The following NAALADL2 variants were observed in gnomAD, a reference collection of about 807,000 sequenced individuals.
NAALADL2 encodes the protein N-acetylated alpha-linked acidic dipeptidase like 2.
A neutral mutation model predicts 87.2 loss-of-function variants in NAALADL2; 76 were observed. The ratio of observed to expected loss-of-function variants is 0.87; its 90% CI spans 0.72 to 1.05. The LOEUF (loss-of-function observed/expected upper bound fraction) is 1.05. Among genes scored for constraint, NAALADL2 ranks in the 50% least tolerant of loss-of-function variants. The pLI is 0.00. For synonymous variants in NAALADL2, 354 were observed against 331.0 expected (o/e 1.07, Z -0.75); for missense variants, 1,089 against 945.8 (o/e 1.15, Z -1.99).
chr3:175,090,301 T>G (rs1437512514), intron 1 of NAALADL2, among the ~76,000 whole-genome samples: 1 of 152,020 alleles, frequency 6.6e-6, no homozygotes, highest in African/African-American at 2.4e-5. Flanking sequence ...AGGACACCCA[T>G]AAAATTTATT....
At chr3:174,630,144 T>C (rs1721967098) in intron 2 of NAALADL2, among the ~76,000 whole-genome samples, 1 of 152,170 alleles carries the variant, frequency 6.6e-6, no homozygotes, top group Non-Finnish European at 1.5e-5. Context: ...ACAAATATAA[T>C]AATTTTTCAT....
intron 4 of NAALADL2, among the ~76,000 whole-genome samples, chr3:175,295,211 C>A (rs1444539730): frequency 6.6e-6 from 1 of 152,088 alleles, no homozygotes. Context: ...CCTGTATGTT[C>A]AAAGAGAGTT....
At chr3:175,634,709 A>C (rs922896443) in intron 11 of NAALADL2, among the ~76,000 whole-genome samples, 1 of 152,134 alleles carries the variant, frequency 6.6e-6, no homozygotes, top group Non-Finnish European at 1.5e-5. Flanking sequence ...AATTGTTTGA[A>C]TAAAATATGA....
chr3:175,476,479 T>C (rs1403062350), intron 9 of NAALADL2, among the ~76,000 whole-genome samples: 1 of 152,180 alleles, frequency 6.6e-6, no homozygotes, highest in Non-Finnish European at 1.5e-5. Flanking sequence ...GAAACATGCA[T>C]TATATGACAG....
chr3:175,219,567 G>A lies in NAALADL2; in HGVS notation c.546-14364G>A, dbSNP rs2109337395. 2.0e-5 allele frequency among the ~76,000 whole-genome samples: 3 copies of A among 152,156 alleles called. No individual in the cohort carries two copies. The South Asian group carries it at 6.2e-4, about 32-fold the overall frequency. On this transcript the variant is annotated intron_variant, in intron 2 of 13. Coordinates refer to ENST00000454872, the MANE Select transcript of NAALADL2 (RefSeq NM_207015.3). Reference sequence around the variant, plus strand: ...TTTGTCAGTTTTGTCTTCCTCGTTAGCGGTTTCTCTTTTGTCTAACCAAGA... The same window carrying A: ...TTTGTCAGTTTTGTCTTCCTCGTTAACGGTTTCTCTTTTGTCTAACCAAGA...
At chr3:174,585,587 C>T (rs1716613402) in intron 2 of NAALADL2, among the ~76,000 whole-genome samples, 1 of 152,024 alleles carries the variant, frequency 6.6e-6, no homozygotes. Flanking sequence ...TGGATCTGTG[C>T]TAGTAGTTCT....
At chr3:175,074,042 C>A (rs893525416) in intron 1 of NAALADL2, among the ~76,000 whole-genome samples, 6 of 152,068 alleles carry the variant, frequency 3.9e-5, no homozygotes, top group Middle Eastern at 3.4e-3. Context: ...GAAGTGAGTT[C>A]CATAAGGGTG....
intron 1 of NAALADL2, among the ~76,000 whole-genome samples, chr3:175,037,131 T>C (rs1753515208): frequency 6.6e-6 from 1 of 152,072 alleles, no homozygotes; most frequent in Non-Finnish European, 1.5e-5. Context: ...AAAGCTACTT[T>C]TAGATCCAGA....
chr3:175,314,614 TAAAA>T (rs1758813037), intron 4 of NAALADL2, among the ~76,000 whole-genome samples: 1 of 114,388 alleles, frequency 8.7e-6, no homozygotes, highest in Admixed American at 1.0e-4. Flanking sequence ...ATACATACTG[TAAAA>T]TAGTTTTGAA....
chr3:175,019,981 A>G (rs1456365033), intron 1 of NAALADL2, among the ~76,000 whole-genome samples: 3 of 152,050 alleles, frequency 2.0e-5, no homozygotes, highest in Non-Finnish European at 2.9e-5. Flanking sequence ...AACAGGAACC[A>G]GATCTCTCCC....
chr3:175,068,565 G>C (rs73883329), intron 1 of NAALADL2, among the ~76,000 whole-genome samples: 1 of 152,044 alleles, frequency 6.6e-6, no homozygotes, highest in Admixed American at 6.6e-5. Context: ...TTGGGAGGAC[G>C]TCTCTTGGGG....
chr3:175,170,404 G>A (rs1018921821), intron 2 of NAALADL2, among the ~76,000 whole-genome samples: 32 of 147,224 alleles, frequency 2.2e-4, no homozygotes, highest in African/African-American at 6.9e-4. Flanking sequence ...TGGAGCAATA[G>A]GGTATGCCAT....
intron 1 of NAALADL2, among the ~76,000 whole-genome samples, chr3:174,967,825 G>A (rs1743094991): frequency 6.6e-6 from 1 of 152,166 alleles, no homozygotes; most frequent in African/African-American, 2.4e-5. Context: ...TAAACCCACA[G>A]AATTGTGAAC....
intron 2 of NAALADL2, among the ~76,000 whole-genome samples, chr3:175,195,052 C>T (rs1026458834): frequency 1.3e-5 from 2 of 151,528 alleles, no homozygotes; most frequent in African/African-American, 2.4e-5. Context: ...TCTCCCTCCT[C>T]TAAGACTATA....
At chr3:174,643,033 C>A (rs1333810903) in intron 2 of NAALADL2, among the ~76,000 whole-genome samples, 1 of 151,978 alleles carries the variant, frequency 6.6e-6, no homozygotes, top group African/African-American at 2.4e-5. Context: ...CCTCCTACCT[C>A]GGCCTCCCAA....
chr3:174,789,882 C>G (rs542323596), intron 3 of NAALADL2, among the ~76,000 whole-genome samples: 3 of 152,306 alleles, frequency 2.0e-5, no homozygotes, highest in Admixed American at 2.0e-4. Context: ...CACAAAGACC[C>G]TGCTGAGGAG....
intron 1 of NAALADL2, among the ~76,000 whole-genome samples, chr3:174,507,846 C>G (rs79637114): frequency 0.01 from 1,522 of 152,134 alleles, 13 homozygotes; most frequent in South Asian, 0.025. Flanking sequence ...ATGAATAAAG[C>G]TGTTATGAAC....
chr3:175,750,909 TA>T (rs1487471434), intron 12 of NAALADL2, among the ~76,000 whole-genome samples: 2 of 152,082 alleles, frequency 1.3e-5, no homozygotes, highest in Admixed American at 6.6e-5. Context: ...GAATAACATA[TA>T]AAAAAGGACT....
intron 9 of NAALADL2, among the ~76,000 whole-genome samples, chr3:175,520,469 T>A (rs1383298175): frequency 1.3e-5 from 2 of 151,158 alleles, no homozygotes; most frequent in African/African-American, 4.9e-5. Context: ...CGGCTAATTT[T>A]TTGTATTTTT....
Sources: gnomAD v4.1 joint callset for allele counts (sites outside exome capture counted in the v4.1 genomes callset) on GRCh38, gnomAD v4.1.1 for gene constraint, MANE v1.5 for transcripts, NCBI Gene and HGNC (gene_info 2026-07-23, HGNC 2026-07-21) for gene names.